Variants in DNASE2B observed in about 807,000 individuals in gnomAD.
The protein encoded by DNASE2B is deoxyribonuclease-2-beta.
A neutral mutation model predicts 46.0 loss-of-function variants in DNASE2B; 43 were observed. That is an observed-to-expected ratio of 0.94 (90% CI 0.73 to 1.21). The LOEUF (loss-of-function observed/expected upper bound fraction) is 1.21. Among genes scored for constraint, DNASE2B ranks in the 50% most tolerant of loss-of-function variants. The pLI is 0.00. For missense variants in DNASE2B, 395 were observed against 414.4 expected (o/e 0.95, Z 0.41); for synonymous variants, 156 against 152.5 (o/e 1.02, Z -0.17).
Position 84,414,581 on chromosome 1 carries a change from A to T in DNASE2B, c.799A>T (p.Thr267Ser), listed in dbSNP as rs982564731. 2 of 1,613,984 alleles carry T rather than the reference A, an allele frequency of 1.2e-6. No individual in the cohort carries two copies. The highest frequency in any genetic ancestry group is 2.7e-5 in the African/African-American group (2 of 74,922). The change falls in exon 6 of 6, where the codon ACC becomes TCC. Residue 267 changes from threonine (T) to serine (S), a missense_variant. Thr to Ser is a moderately conservative substitution (Grantham distance 58, BLOSUM62 1). Coordinates refer to ENST00000370665, the MANE Select transcript of DNASE2B (RefSeq NM_021233.3). ...QRLKTHLLTE[T>S]WQRKRQELPS... The stretch of plus-strand genomic sequence containing the variant: ...GCTGAAGACACACTTGTTAACAGAA[A>T]CCTGGCAGCGAAAAAGACAAGAGCT...
chr1:84,407,096 T>C (rs1444825477), intron 2 of DNASE2B, among the ~76,000 whole-genome samples: 2 of 152,212 alleles, frequency 1.3e-5, no homozygotes, highest in Non-Finnish European at 2.9e-5. Flanking sequence ...TACATCTACC[T>C]ACTCTTAAGT....
intron 4 of DNASE2B, 139 bp from the exon 5 acceptor site, chr1:84,412,210 A>C (rs907329440): frequency 1.4e-6 from 1 of 713,868 alleles, no homozygotes; most frequent in Non-Finnish European, 2.1e-6. Context: ...AAGTTATTTG[A>C]AGGCTATTGG....
chr1:84,412,004 A>G (rs558809305), intron 4 of DNASE2B, among the ~76,000 whole-genome samples: 4 of 152,350 alleles, frequency 2.6e-5, no homozygotes, highest in African/African-American at 7.2e-5. Flanking sequence ...AATTTCATCA[A>G]TTACAAACTT....
Position 84,412,423 on chromosome 1 carries a change from C to CA in DNASE2B, c.623dup (p.His208GlnfsTer41). ...AGCCACCTTTCACCAGGAGCTCATT[C>CA]ACATGCCCCAGCTGTGCACCAGGGC... On this transcript the variant is annotated frameshift_variant, in exon 5 of 6. Coordinates refer to ENST00000370665, the MANE Select transcript of DNASE2B (RefSeq NM_021233.3). LOFTEE classifies it high-confidence loss of function. The CA allele has an allele frequency of 6.2e-7, 1 of 1,613,454 alleles. No homozygotes were observed. Among genetic ancestry groups the CA allele is most frequent in the Non-Finnish European group, 8.5e-7 (1 of 1,179,636 alleles).
intron 2 of DNASE2B, among the ~76,000 whole-genome samples, chr1:84,402,960 G>A (rs572486422): frequency 8.1e-4 from 123 of 152,254 alleles, no homozygotes; most frequent in Middle Eastern, 3.4e-3. Flanking sequence ...CTGCACATGT[G>A]TATCTGAGTA....
intron 2 of DNASE2B, among the ~76,000 whole-genome samples, chr1:84,405,991 A>G (rs1680485712): frequency 1.3e-5 from 2 of 152,126 alleles, no homozygotes; most frequent in Non-Finnish European, 2.9e-5. Context: ...TAGTATCTAC[A>G]TATATTGTAT....
Position 84,402,078 on chromosome 1 carries a change from G to T in DNASE2B, c.303G>T (p.Lys101Asn), listed in dbSNP as rs760507103. ...LQQLYEAYAS[K>N]SNNTAYLIYN... ...AGCTATATGAAGCATATGCCTCTAAGGTATGTTATATAGTTAATTGTTCAC... is the reference window on the plus strand; with the variant it reads ...AGCTATATGAAGCATATGCCTCTAATGTATGTTATATAGTTAATTGTTCAC... Residue 101 changes from lysine (K) to asparagine (N), a missense_variant and splice_region_variant, in exon 2 of 6, where the codon AAG becomes AAT. By Grantham distance (94) the Lys-to-Asn change is moderately conservative. Transcript: ENST00000370665. The T allele has an allele frequency of 3.8e-6, 6 of 1,597,706 alleles. No homozygotes were observed. The highest frequency in any genetic ancestry group is 5.1e-6 in the Non-Finnish European group (6 of 1,175,170).
At chr1:84,403,192 T>C (rs1680449501) in intron 2 of DNASE2B, among the ~76,000 whole-genome samples, 1 of 152,176 alleles carries the variant, frequency 6.6e-6, no homozygotes, top group South Asian at 2.1e-4. Flanking sequence ...CCTTGAACCA[T>C]GCTGGGGTAG....
chr1:84,411,179 C>T (rs1680585490), intron 4 of DNASE2B, among the ~76,000 whole-genome samples, 180 bp downstream of exon 4: 1 of 152,156 alleles, frequency 6.6e-6, no homozygotes, highest in Non-Finnish European at 1.5e-5. Context: ...GGCTTTGGCT[C>T]TTAATCTACC....
rs1331211389 is a variant in DNASE2B at position 84,408,037 on chromosome 1, A to T, written c.304-400A>T. Among the ~76,000 whole-genome samples, 3 of 152,266 alleles carry T rather than the reference A, an allele frequency of 2.0e-5. No homozygotes were observed. In the South Asian group the frequency reaches 6.2e-4, roughly 32 times the overall value. On this transcript the variant is annotated intron_variant, in intron 2 of 5. Transcript: ENST00000370665. ...AGTTCTGCACTGTGCCTATAATATC[A>T]ATGGAAAAAACCTCAGATGTAATCC...
At chr1:84,408,879 A>C (rs962823477) in intron 3 of DNASE2B, among the ~76,000 whole-genome samples, 2 of 151,886 alleles carry the variant, frequency 1.3e-5, no homozygotes, top group African/African-American at 4.8e-5. Flanking sequence ...TGTAGTATAT[A>C]TGTACAAACA....
In DNASE2B at chr1:84,408,459, T is replaced by C. The variant is rs759311238; in HGVS notation, c.326T>C (p.Ile109Thr). 1 of 1,611,368 alleles carries C rather than the reference T, an allele frequency of 6.2e-7. No individual in the cohort carries two copies. Among genetic ancestry groups the C allele is most frequent in the East Asian group, 2.2e-5 (1 of 44,790 alleles). ...CAGAGTAACAACACAGCCTATCTAA[T>C]ATACAATGATGGAGTCCCTAAACCT... ...ASKSNNTAYL[I>T]YNDGVPKPVN... Residue 109 changes from isoleucine to threonine, a missense_variant, in exon 3 of 6, where the codon ATA (isoleucine) becomes ACA (threonine). Ile to Thr is a moderately conservative substitution (Grantham distance 89). Coordinates refer to ENST00000370665, the MANE Select transcript of DNASE2B (RefSeq NM_021233.3).
At position 84,408,461 on chromosome 1, in the gene DNASE2B, T is replaced by C. The variant is rs764948915; in HGVS notation, c.328T>C (p.Tyr110His). Residue 110 changes from tyrosine (Y) to histidine (H), a missense_variant, in exon 3 of 6, where the codon TAC becomes CAC. Transcript: ENST00000370665. ...GAGTAACAACACAGCCTATCTAATA[T>C]ACAATGATGGAGTCCCTAAACCTGT... The part of the protein sequence containing the change: ...SKSNNTAYLI[Y>H]NDGVPKPVNY... 13 of 1,611,582 alleles carry C rather than the reference T, an allele frequency of 8.1e-6. No individual in the cohort carries two copies. The highest frequency in any genetic ancestry group is 4.0e-5 in the African/African-American group (3 of 74,826).
At chr1:84,412,034 T>C (rs143457151) in intron 4 of DNASE2B, among the ~76,000 whole-genome samples, 147 of 152,334 alleles carry the variant, frequency 9.6e-4, no homozygotes, top group African/African-American at 3.5e-3. Flanking sequence ...GGGTGTGTGA[T>C]GTAAATTCTC....
At position 84,412,406 on chromosome 1, in the gene DNASE2B, T is replaced by G; in HGVS notation, c.605T>G (p.Phe202Cys). ...TATAGCTGCTCCATCCCAGCCACCT[T>G]TCACCAGGAGCTCATTCACATGCCC... is the stretch of plus-strand genomic sequence containing the variant. ...NVYSCSIPATFHQELIHMPQL... is the reference protein window; with the variant it reads ...NVYSCSIPATCHQELIHMPQL... The change falls in exon 5 of 6, where the codon TTT becomes TGT. Residue 202 changes from phenylalanine (F) to cysteine (C), a missense_variant. Coordinates refer to ENST00000370665, the MANE Select transcript of DNASE2B (RefSeq NM_021233.3). 7 of 1,612,976 alleles carry G rather than the reference T, an allele frequency of 4.3e-6. No homozygotes were observed. Among genetic ancestry groups the G allele is most frequent in the Non-Finnish European group, 5.9e-6 (7 of 1,179,366 alleles).
chr1:84,400,443 A>G (rs1186584286), intron 1 of DNASE2B, among the ~76,000 whole-genome samples: 1 of 152,248 alleles, frequency 6.6e-6, no homozygotes, highest in Non-Finnish European at 1.5e-5. Flanking sequence ...AGACTGCATG[A>G]ATATGTTCCC....
chr1:84,411,082 A>G (rs575267576), intron 4 of DNASE2B, 83 bp downstream of exon 4: 13 of 1,441,264 alleles, frequency 9.0e-6, no homozygotes, highest in Non-Finnish European at 1.1e-5. Flanking sequence ...GTGTCACTTC[A>G]TTTGTTAATC....
intron 3 of DNASE2B, among the ~76,000 whole-genome samples, chr1:84,409,035 A>C (rs1680543373): frequency 6.6e-6 from 1 of 151,950 alleles, no homozygotes; most frequent in Admixed American, 6.6e-5. Flanking sequence ...TTACATTATC[A>C]CATATAATTT....
intron 1 of DNASE2B, among the ~76,000 whole-genome samples, chr1:84,399,279 A>G (rs755437260): frequency 9.2e-5 from 14 of 152,202 alleles, no homozygotes; most frequent in Admixed American, 2.6e-4. Context: ...TAAAGCTTTA[A>G]CTACTTTTTC....
Sources: allele counts gnomAD v4.1 joint callset (sites outside exome capture counted in the v4.1 genomes callset), GRCh38; gene constraint gnomAD v4.1.1; transcripts MANE v1.5; gene names NCBI Gene and HGNC (gene_info 2026-07-23, HGNC 2026-07-21).